ARMC2: variants seen among roughly 807,000 people sequenced by gnomAD.
The protein encoded by ARMC2 is armadillo repeat containing 2.
ARMC2 carries 67 observed loss-of-function variants against 90.3 expected under a neutral mutation model. The ratio of observed to expected loss-of-function variants is 0.74; its 90% CI spans 0.61 to 0.91. The LOEUF is 0.91. Ranked by LOEUF, ARMC2 falls within the 40% of genes least tolerant of loss-of-function variation. The pLI is 0.00. For synonymous variants in ARMC2, 393 were observed against 393.0 expected (o/e 1.00, Z 0.00); for missense variants, 920 against 1,030.9 (o/e 0.89, Z 1.47).
chr6:108,985,825 A>T, the ARMC2 span, among the ~76,000 whole-genome samples: 1 of 152,232 alleles, frequency 6.6e-6, no homozygotes, highest in South Asian at 2.1e-4. Flanking sequence ...GGACAAAGGC[A>T]TGATGCATAT....
At chr6:108,893,516 G>A (rs1771300798) in intron 5 of ARMC2, among the ~76,000 whole-genome samples, 1 of 152,154 alleles carries the variant, frequency 6.6e-6, no homozygotes, top group Non-Finnish European at 1.5e-5. Flanking sequence ...AGCTCCCAAA[G>A]GCTAAGCTTT....
the ARMC2 span, among the ~76,000 whole-genome samples, chr6:109,022,710 G>T: frequency 6.6e-6 from 1 of 151,888 alleles, no homozygotes; most frequent in South Asian, 2.1e-4. Context: ...CACCATGCCT[G>T]GCCGTTCTAA....
In ARMC2 at chr6:108,925,016, A is replaced by C. The variant is rs17070028; in HGVS notation, c.1351-3072A>C. On this transcript the variant is annotated intron_variant, in intron 10 of 17. Coordinates refer to ENST00000392644, the MANE Select transcript of ARMC2 (RefSeq NM_032131.6). ...AGAAATGAGATAGGCTAGAGAACAA[A>C]TACACAGAGGCTGGTCCCCTTCCAG... 1.3e-3 allele frequency among the ~76,000 whole-genome samples: 196 copies of C among 152,268 alleles called. 1 individual carries two copies. In the East Asian group the frequency reaches 0.033, roughly 25 times the overall value.
chr6:108,858,378 C>T lies in ARMC2; in HGVS notation c.291+107C>T, dbSNP rs1774871023. On this transcript the variant is annotated intron_variant, in intron 3 of 17. Coordinates refer to ENST00000392644, the MANE Select transcript of ARMC2 (RefSeq NM_032131.6). ...TATATGCTATGATAATTATCATGTA[C>T]ACCTAAATAGACTAATAATTTAATA... 5.8e-6 allele frequency: 4 copies of T among 684,356 alleles called. No individual in the cohort carries two copies. In the Admixed American group the frequency reaches 1.1e-4, roughly 18 times the overall value. 42.4% of individuals were successfully genotyped at this position (684,356 alleles called of 1,614,324 possible). A position where few individuals can be genotyped will look rare whatever the true frequency, so the allele number is the denominator to read the frequency against.
intron 3 of ARMC2, among the ~76,000 whole-genome samples, chr6:108,863,466 C>T (rs1476533077): frequency 6.6e-6 from 1 of 152,186 alleles, no homozygotes; most frequent in African/African-American, 2.4e-5. Flanking sequence ...TAGCAGCTCC[C>T]AGCTGCTCCA....
At chr6:108,915,987 T>C (rs1773925948) in intron 10 of ARMC2, among the ~76,000 whole-genome samples, 1 of 152,178 alleles carries the variant, frequency 6.6e-6, no homozygotes, top group Admixed American at 6.5e-5. Context: ...GAGGCATTGC[T>C]GCAGTTAGAT....
At chr6:108,945,549 G>A (rs1467266174) in intron 12 of ARMC2, among the ~76,000 whole-genome samples, 3 of 152,158 alleles carry the variant, frequency 2.0e-5, no homozygotes, top group Admixed American at 6.5e-5. Context: ...CAGGACTGTC[G>A]TCAGAGCCTT....
At chr6:108,895,473 G>T (rs942706770) in intron 6 of ARMC2, among the ~76,000 whole-genome samples, 1 of 94,890 alleles carries the variant, frequency 1.1e-5, no homozygotes, top group East Asian at 3.3e-4. Context: ...GACAGAGCGA[G>T]ACTCATCTCA....
At chr6:108,899,974 A>G (rs1771964422) in intron 7 of ARMC2, among the ~76,000 whole-genome samples, 182 bp downstream of exon 7, 1 of 152,220 alleles carries the variant, frequency 6.6e-6, no homozygotes, top group Non-Finnish European at 1.5e-5. Context: ...TAAATATTAC[A>G]TGCACACATA....
chr6:108,965,186 G>T, intron 17 of ARMC2, 46 bp downstream of exon 17: 1 of 1,529,500 alleles, frequency 6.5e-7, no homozygotes. Context: ...ATCAGAGTGT[G>T]AGATAGTTTT....
At chr6:108,985,336 CT>C in the ARMC2 span, among the ~76,000 whole-genome samples, 2 of 152,222 alleles carry the variant, frequency 1.3e-5, no homozygotes, top group African/African-American at 4.8e-5. Flanking sequence ...CAGAAATCTT[CT>C]CATGATTATT....
At chr6:109,038,774 T>C in the ARMC2 span, among the ~76,000 whole-genome samples, 3 of 152,204 alleles carry the variant, frequency 2.0e-5, no homozygotes, top group Middle Eastern at 3.4e-3. Flanking sequence ...ATGAATGAGG[T>C]AACTCCATTG....
the ARMC2 span, among the ~76,000 whole-genome samples, chr6:108,982,688 T>C: frequency 6.6e-6 from 1 of 152,198 alleles, no homozygotes; most frequent in African/African-American, 2.4e-5. Flanking sequence ...AGGTAATGTG[T>C]CTTTGTAATA....
chr6:108,953,407 A>G (rs1351524529), intron 13 of ARMC2, 56 bp downstream of exon 13: 2 of 1,495,828 alleles, frequency 1.3e-6, no homozygotes, highest in African/African-American at 1.4e-5. Flanking sequence ...CCGCGGCCCA[A>G]AGACAGTTCT....
intron 2 of ARMC2, among the ~76,000 whole-genome samples, chr6:108,856,124 G>A (rs7454060): frequency 0.032 from 4,941 of 152,104 alleles, 216 homozygotes; most frequent in East Asian, 0.2. Context: ...AAAAGTCATC[G>A]CAATACGCAA....
chr6:108,886,069 C>G (rs1359634058), intron 5 of ARMC2, among the ~76,000 whole-genome samples: 1 of 152,188 alleles, frequency 6.6e-6, no homozygotes, highest in African/African-American at 2.4e-5. Flanking sequence ...AACGAAGTGT[C>G]TTTTTCTTAT....
chr6:108,956,651 T>C (rs1777605975), intron 13 of ARMC2, among the ~76,000 whole-genome samples: 1 of 150,642 alleles, frequency 6.6e-6, no homozygotes, highest in South Asian at 2.1e-4. Flanking sequence ...CAGTGAGCCA[T>C]GCTTACACCA....
chr6:108,888,626 G>A lies in ARMC2; in HGVS notation c.672-5841G>A, dbSNP rs185613340. On this transcript the variant is annotated intron_variant, in intron 5 of 17. Transcript: ENST00000392644. ...ATCTATTCTTCCTTTTCTCCTTAACGGAGTGATTTTCTTTTCTTGATGCCT... is the reference window on the plus strand; with the variant it reads ...ATCTATTCTTCCTTTTCTCCTTAACAGAGTGATTTTCTTTTCTTGATGCCT... 1.8e-4 allele frequency among the ~76,000 whole-genome samples: 28 copies of A among 152,246 alleles called. No homozygotes were observed. The East Asian group carries it at 4.4e-3, about 24-fold the overall frequency.
downstream of ARMC2, among the ~76,000 whole-genome samples, chr6:108,975,321 C>T (rs1314568363): frequency 6.6e-6 from 1 of 152,164 alleles, no homozygotes; most frequent in Non-Finnish European, 1.5e-5. Flanking sequence ...CATGTCCCTG[C>T]AAAGGACATG....
Sources: allele counts gnomAD v4.1 joint callset (sites outside exome capture counted in the v4.1 genomes callset), GRCh38; gene constraint gnomAD v4.1.1; transcripts MANE v1.5; gene names NCBI Gene and HGNC (gene_info 2026-07-23, HGNC 2026-07-21).